SLCO1C1: variants seen among roughly 807,000 people sequenced by gnomAD.
SLCO1C1 encodes the protein solute carrier organic anion transporter family member 1C1.
A neutral mutation model predicts 76.4 loss-of-function variants in SLCO1C1; 70 were observed. The observed-to-expected ratio is 0.92, with a 90% CI of 0.76 to 1.12. The LOEUF is 1.12. Among genes scored for constraint, SLCO1C1 ranks in the 50% most tolerant of loss-of-function variants. The pLI is 0.00. For synonymous variants in SLCO1C1, 306 were observed against 286.1 expected, an observed-to-expected ratio of 1.07 and a Z score of -0.70; for missense variants, 912 against 823.8, an observed-to-expected ratio of 1.11 and a Z score of -1.31.
chr12:20,740,406 G>A (rs1436519820), intron 12 of SLCO1C1, 38 bp downstream of exon 12: 7 of 1,550,932 alleles, frequency 4.5e-6, no homozygotes, highest in Non-Finnish European at 5.2e-6. Flanking sequence ...TTTAACACAA[G>A]ACACAATCAT....
chr12:20,724,188 A>G (rs1044721754), intron 9 of SLCO1C1, among the ~76,000 whole-genome samples: 1 of 151,744 alleles, frequency 6.6e-6, no homozygotes, highest in African/African-American at 2.4e-5. Context: ...TGGCTGACCT[A>G]AAGAAATATT....
At chr12:20,715,018 G>C in intron 5 of SLCO1C1, 121 bp from the exon 6 acceptor site, 1 of 1,202,720 alleles carries the variant, frequency 8.3e-7, no homozygotes, top group Non-Finnish European at 1.2e-6. Flanking sequence ...ATCAAATTAA[G>C]ACTATTGCAC....
chr12:20,698,539 T>C (rs2120586068), intron 1 of SLCO1C1, among the ~76,000 whole-genome samples: 4 of 152,112 alleles, frequency 2.6e-5, no homozygotes, highest in Admixed American at 2.6e-4. Flanking sequence ...AGGGATGAGG[T>C]TTAGTGAACA....
rs1295264121 is a variant in SLCO1C1 at position 20,723,092 on chromosome 12, T to C, written c.1024T>C (p.Phe342Leu). The change falls in exon 9 of 15, where the codon TTT becomes CTT. Residue 342 changes from phenylalanine (F) to leucine (L), a missense_variant and splice_region_variant. Phe to Leu is a conservative substitution (Grantham distance 22). Coordinates refer to ENST00000266509, the MANE Select transcript of SLCO1C1 (RefSeq NM_017435.5). ...TCTATGTTATTTTTGTTTTACAGAT[T>C]TTCTTCCATCACTGAAGAATCTTTT... ...NAKIMEMARD[F>L]LPSLKNLFGN... is the part of the protein sequence containing the mutation. The C allele has an allele frequency of 1.9e-6, 3 of 1,601,740 alleles. No homozygotes were observed. The highest frequency in any genetic ancestry group is 1.1e-5 in the South Asian group (1 of 88,672).
At chr12:20,724,407 GTGTGTATATATA>G (rs1445422842) in intron 9 of SLCO1C1, among the ~76,000 whole-genome samples, 96 of 45,386 alleles carry the variant, frequency 2.1e-3, no homozygotes, top group African/African-American at 5.9e-3. Flanking sequence ...GTGTGTGTGT[GTGTGTATATATA>G]TATATATATA....
chr12:20,721,318 A>G (rs1375016915), intron 7 of SLCO1C1, among the ~76,000 whole-genome samples: 1 of 152,200 alleles, frequency 6.6e-6, no homozygotes, highest in Non-Finnish European at 1.5e-5. Context: ...TTATGTTCAT[A>G]CATTGCCACA....
chr12:20,750,815 G>T lies in SLCO1C1; in HGVS notation c.1916+23G>T, dbSNP rs375039592. The T allele has an allele frequency of 1.9e-6, 3 of 1,613,762 alleles. No individual in the cohort carries two copies. Among genetic ancestry groups the T allele is most frequent in the Non-Finnish European group, 2.5e-6 (3 of 1,179,850 alleles). ...CAGGTACCAAATCAAAAGCATTCCC[G>T]CATCTCATTGCTACAGCATCCCAGA... On this transcript the variant is annotated intron_variant, in intron 14 of 14. Transcript: ENST00000266509.
chr12:20,737,774 A>T (rs1948616736), intron 11 of SLCO1C1, among the ~76,000 whole-genome samples: 1 of 152,168 alleles, frequency 6.6e-6, no homozygotes, highest in African/African-American at 2.4e-5. Context: ...AATTTGTATA[A>T]TAATGAAAGG....
chr12:20,700,439 C>A (rs1471052543), intron 2 of SLCO1C1, among the ~76,000 whole-genome samples: 1 of 151,180 alleles, frequency 6.6e-6, no homozygotes, highest in Non-Finnish European at 1.5e-5. Flanking sequence ...ATAGAAGTTT[C>A]TTTTTTTTAA....
Position 20,699,645 on chromosome 12 carries a change from T to G in SLCO1C1, c.69T>G (p.Pro23=). Reference sequence around the variant, plus strand: ...CTTCAGTGCAACCTGTTGGAAGGCCTTCTTTTAAAACAGAATATCCCTCCT... The same window carrying G: ...CTTCAGTGCAACCTGTTGGAAGGCCGTCTTTTAAAACAGAATATCCCTCCT... ...CKTSVQPVGR[P]SFKTEYPSSE... Residue 23 remains proline (P), a synonymous_variant, in exon 2 of 15, where the codon CCT becomes CCG. Transcript: ENST00000266509. 6.2e-7 allele frequency: 1 copy of G among 1,612,640 alleles called. No individual in the cohort carries two copies. Among genetic ancestry groups the G allele is most frequent in the East Asian group, 2.2e-5 (1 of 44,802 alleles).
Position 20,740,193 on chromosome 12 carries a change from A to G in SLCO1C1, c.1558A>G (p.Asn520Asp). 1 of 1,610,074 alleles carries G rather than the reference A, an allele frequency of 6.2e-7. No individual in the cohort carries two copies. The change falls in exon 12 of 15, where the codon AAC becomes GAC. Residue 520 changes from asparagine (N) to aspartate (D), a missense_variant. Physicochemically the swap from Asn to Asp is conservative, Grantham distance 23. Coordinates refer to ENST00000266509, the MANE Select transcript of SLCO1C1 (RefSeq NM_017435.5). Reference sequence around the variant, plus strand: ...CCCTATCGTGTTACAGATATTTTACAACTGCACTTGTGTGGGAATTGCAGC... The same window carrying G: ...CCCTATCGTGTTACAGATATTTTACGACTGCACTTGTGTGGGAATTGCAGC... ...NRSGKNIIFY[N>D]CTCVGIAASK...
At chr12:20,701,076 C>G (rs1333834963) in intron 2 of SLCO1C1, among the ~76,000 whole-genome samples, 2 of 152,072 alleles carry the variant, frequency 1.3e-5, no homozygotes, top group African/African-American at 4.8e-5. Context: ...ATTCAATACA[C>G]ATTTCGCATA....
At chr12:20,727,126 C>A (rs1457156863) in intron 9 of SLCO1C1, among the ~76,000 whole-genome samples, 1 of 152,122 alleles carries the variant, frequency 6.6e-6, no homozygotes, top group Non-Finnish European at 1.5e-5. Context: ...ACTGATTCCA[C>A]GTTTTTGCTA....
chr12:20,736,939 A>G (rs1948573113), intron 10 of SLCO1C1, among the ~76,000 whole-genome samples, 168 bp from the exon 11 acceptor site: 1 of 152,098 alleles, frequency 6.6e-6, no homozygotes, highest in African/African-American at 2.4e-5. Context: ...TTATTAGTAA[A>G]CTCACATTTC....
chr12:20,736,342 G>A (rs1418801034), intron 10 of SLCO1C1, among the ~76,000 whole-genome samples: 1 of 150,952 alleles, frequency 6.6e-6, no homozygotes, highest in Non-Finnish European at 1.5e-5. Context: ...ATTTTGGGGG[G>A]GGGTGCAAAT....
At chr12:20,752,234 A>C in intron 14 of SLCO1C1, 72 bp from the exon 15 acceptor site, 1 of 1,014,034 alleles carries the variant, frequency 9.9e-7, no homozygotes, top group Non-Finnish European at 1.4e-6. Context: ...TCAGTATGAT[A>C]TTATTACCTT....
At chr12:20,705,177 C>T (rs749615339) in intron 3 of SLCO1C1, among the ~76,000 whole-genome samples, 1 of 151,898 alleles carries the variant, frequency 6.6e-6, no homozygotes. Context: ...CTAAAAGTAA[C>T]GTGTCACATG....
Position 20,711,260 on chromosome 12 carries a change from G to T in SLCO1C1, c.405-126G>T. 4 of 1,061,616 alleles carry T rather than the reference G, an allele frequency of 3.8e-6. No individual in the cohort carries two copies. The South Asian group carries it at 5.1e-5, about 14-fold the overall frequency. 65.8% of individuals were successfully genotyped at this position (1,061,616 alleles called of 1,614,324 possible). On this transcript the variant is annotated intron_variant, in intron 4 of 14. Coordinates refer to ENST00000266509, the MANE Select transcript of SLCO1C1 (RefSeq NM_017435.5). The stretch of plus-strand genomic sequence containing the variant: ...CTGCTGTTAAACACTGGCTTGATTT[G>T]GTGAATTAGGTTCAGAGACAGCTGC...
At chr12:20,728,299 G>T (rs1385488289) in intron 9 of SLCO1C1, among the ~76,000 whole-genome samples, 1 of 152,030 alleles carries the variant, frequency 6.6e-6, no homozygotes, top group African/African-American at 2.4e-5. Context: ...GTTTTTGTCA[G>T]CTTTGTTGAA....
Sources: gnomAD v4.1 joint callset for allele counts (sites outside exome capture counted in the v4.1 genomes callset) on GRCh38, gnomAD v4.1.1 for gene constraint, MANE v1.5 for transcripts, NCBI Gene and HGNC (gene_info 2026-07-23, HGNC 2026-07-21) for gene names.